Variants in THSD7B observed in about 807,000 individuals in gnomAD.
The protein encoded by THSD7B is thrombospondin type-1 domain-containing protein 7B.
A neutral mutation model predicts 213.6 loss-of-function variants in THSD7B; 138 were observed. That is an observed-to-expected ratio of 0.65 (90% CI 0.56 to 0.74). THSD7B has a LOEUF of 0.74. Among genes scored for constraint, THSD7B ranks in the 30% least tolerant of loss-of-function variants. THSD7B has a pLI of 0.00. For synonymous variants in THSD7B, 742 were observed against 687.0 expected, an observed-to-expected ratio of 1.08 and a Z score of -1.25; for missense variants, 1,931 against 1,991.5, an observed-to-expected ratio of 0.97 and a Z score of 0.58.
intron 12 of THSD7B, among the ~76,000 whole-genome samples, chr2:137,397,836 T>G (rs1338001060): frequency 7.2e-6 from 1 of 139,348 alleles, no homozygotes; most frequent in African/African-American, 2.7e-5. Flanking sequence ...TTTCACATAG[T>G]CCCATATTTC....
At chr2:137,322,180 A>C (rs1423588378) in intron 12 of THSD7B, among the ~76,000 whole-genome samples, 1 of 152,204 alleles carries the variant, frequency 6.6e-6, no homozygotes, top group Non-Finnish European at 1.5e-5. Context: ...TCCCTGGTGT[A>C]AGATCATAAT....
At chr2:137,103,853 G>A (rs1393933908) in intron 4 of THSD7B, among the ~76,000 whole-genome samples, 3 of 152,142 alleles carry the variant, frequency 2.0e-5, no homozygotes, top group Non-Finnish European at 2.9e-5. Context: ...AAATATATAT[G>A]CACTTAACAC....
chr2:137,213,169 C>T (rs1420857640), intron 7 of THSD7B, among the ~76,000 whole-genome samples: 1 of 151,430 alleles, frequency 6.6e-6, no homozygotes, highest in Non-Finnish European at 1.5e-5. Context: ...ACCATGTACC[C>T]TTTGGTCTTA....
chr2:137,152,903 C>T (rs909384537), intron 5 of THSD7B, among the ~76,000 whole-genome samples: 2 of 152,134 alleles, frequency 1.3e-5, no homozygotes, highest in Admixed American at 6.6e-5. Context: ...TGACCACTTC[C>T]CTATCTCTCA....
chr2:137,234,312 C>T (rs1681715238), intron 9 of THSD7B, among the ~76,000 whole-genome samples: 1 of 152,136 alleles, frequency 6.6e-6, no homozygotes, highest in Non-Finnish European at 1.5e-5. Flanking sequence ...GCAATGGAAA[C>T]ACTGAAAAAT....
chr2:137,390,719 T>C (rs1686004522), intron 12 of THSD7B, among the ~76,000 whole-genome samples: 1 of 152,202 alleles, frequency 6.6e-6, no homozygotes, highest in Non-Finnish European at 1.5e-5. Flanking sequence ...CTGTGCCTAA[T>C]GTGTTGAGAG....
At chr2:137,622,625 A>G (rs1682541822) in intron 20 of THSD7B, among the ~76,000 whole-genome samples, 2 of 152,218 alleles carry the variant, frequency 1.3e-5, no homozygotes, top group Admixed American at 6.5e-5. Context: ...AAATTGCCAC[A>G]ATAAAAAATG....
At chr2:137,544,553 T>G (rs1351094709) in intron 15 of THSD7B, among the ~76,000 whole-genome samples, 3 of 151,842 alleles carry the variant, frequency 2.0e-5, no homozygotes. Flanking sequence ...TTTATGAATA[T>G]TTATGTAAGT....
chr2:137,419,800 C>G (rs1227102161), intron 14 of THSD7B, among the ~76,000 whole-genome samples: 1 of 151,804 alleles, frequency 6.6e-6, no homozygotes, highest in African/African-American at 2.4e-5. Flanking sequence ...GGGACCTGTC[C>G]CTGTCTGCCT....
At chr2:137,043,929 T>C (rs1179207562) in intron 2 of THSD7B, among the ~76,000 whole-genome samples, 1 of 152,232 alleles carries the variant, frequency 6.6e-6, no homozygotes, top group Non-Finnish European at 1.5e-5. Context: ...ACCCCCACAC[T>C]GAAGGTGAGT....
intron 15 of THSD7B, among the ~76,000 whole-genome samples, chr2:137,549,032 C>T (rs1680791909): frequency 6.6e-6 from 1 of 151,978 alleles, no homozygotes. Flanking sequence ...AAGCCTTCTT[C>T]CAGCAAAAGT....
At chr2:137,327,698 G>A (rs79347294) in intron 12 of THSD7B, among the ~76,000 whole-genome samples, 322 of 152,276 alleles carry the variant, frequency 2.1e-3, no homozygotes, top group African/African-American at 7.5e-3. Flanking sequence ...AGGTAGCTCC[G>A]ACTTTGACAT....
chr2:137,125,914 A>G (rs1484070839), intron 5 of THSD7B, among the ~76,000 whole-genome samples: 1 of 152,200 alleles, frequency 6.6e-6, no homozygotes, highest in Non-Finnish European at 1.5e-5. Flanking sequence ...CTTTTGGGGC[A>G]TCAGGTGCAT....
intron 2 of THSD7B, among the ~76,000 whole-genome samples, chr2:136,907,429 A>T (rs1018506885): frequency 6.6e-6 from 1 of 152,202 alleles, no homozygotes. Context: ...TGTAAGTGAA[A>T]GTTTAAAGTT....
chr2:136,991,549 C>T (rs1685784524), intron 2 of THSD7B, among the ~76,000 whole-genome samples: 1 of 152,042 alleles, frequency 6.6e-6, no homozygotes, highest in South Asian at 2.1e-4. Flanking sequence ...AGCTATATTG[C>T]TTGGGTTCCA....
At chr2:137,145,796 T>G (rs981849156) in intron 5 of THSD7B, among the ~76,000 whole-genome samples, 13 of 152,242 alleles carry the variant, frequency 8.5e-5, no homozygotes, top group Admixed American at 2.6e-4. Context: ...ACCTGTCCTT[T>G]TAGAAATATG....
chr2:136,765,944 G>A (rs964389929), intron 1 of THSD7B, among the ~76,000 whole-genome samples: 9 of 152,350 alleles, frequency 5.9e-5, no homozygotes, highest in African/African-American at 2.2e-4. Context: ...CCCTCTAGGC[G>A]GGCGGGGACG....
intron 7 of THSD7B, among the ~76,000 whole-genome samples, chr2:137,173,433 A>C (rs905032111): frequency 2.6e-5 from 4 of 152,140 alleles, no homozygotes; most frequent in Non-Finnish European, 5.9e-5. Context: ...CTTGGCTAGG[A>C]ACTTCTTTCA....
chr2:136,906,732 A>G (rs1684167167), intron 2 of THSD7B, among the ~76,000 whole-genome samples: 1 of 152,120 alleles, frequency 6.6e-6, no homozygotes, highest in Admixed American at 6.6e-5. Context: ...GACAAATAAT[A>G]GTGATCTTTC....
Sources: allele counts gnomAD v4.1 joint callset (sites outside exome capture counted in the v4.1 genomes callset), GRCh38; gene constraint gnomAD v4.1.1; transcripts MANE v1.5; gene names NCBI Gene and HGNC (gene_info 2026-07-23, HGNC 2026-07-21).